The following RAB43 variants were observed in gnomAD, a reference collection of about 807,000 sequenced individuals.
RAB43 encodes ras-related protein Rab-43.
In RAB43, 6 loss-of-function variants were observed where a neutral mutation model predicts 18.8. That is an observed-to-expected ratio of 0.32 (90% CI 0.17 to 0.63). RAB43 has a LOEUF of 0.63. RAB43 is among the 30% of genes least tolerant of loss of function. The pLI is 0.79. For synonymous variants in RAB43, 103 were observed against 124.1 expected (o/e 0.83, Z 1.13); for missense variants, 195 against 289.1 (o/e 0.67, Z 2.36).
intron 1 of RAB43, among the ~76,000 whole-genome samples, chr3:129,099,417 C>T (rs1378414819): frequency 2.1e-5 from 3 of 146,034 alleles, no homozygotes; most frequent in African/African-American, 7.7e-5. Context: ...GACGGAGTTT[C>T]GCTCTGTTGT....
intron 1 of RAB43, among the ~76,000 whole-genome samples, chr3:129,098,358 A>T (rs1934192374): frequency 6.6e-6 from 1 of 152,220 alleles, no homozygotes; most frequent in African/African-American, 2.4e-5. Context: ...CTAACAAAAC[A>T]TAAAAAACAA....
At position 129,121,738 on chromosome 3, in the gene RAB43, C is replaced by A. The variant is rs1467526137; in HGVS notation, c.-249G>T. 1.9e-5 allele frequency: 5 copies of A among 268,528 alleles called. No homozygotes were observed. Among genetic ancestry groups the A allele is most frequent in the East Asian group, 6.9e-5 (1 of 14,412 alleles). 16.6% of individuals were successfully genotyped at this position (268,528 alleles called of 1,614,324 possible). A position where few individuals can be genotyped will look rare whatever the true frequency, so the allele number is the denominator to read the frequency against. ...GGTGCCCCGCGGGTTCGGCTCCCCC[C>A]CGGACCCGCCAAGCCGGGCCCTCCG... On this transcript the variant is annotated 5_prime_UTR_variant, in exon 1 of 3. Transcript: ENST00000315150.
At chr3:129,109,655 G>C (rs1935021952) in intron 1 of RAB43, among the ~76,000 whole-genome samples, 1 of 149,562 alleles carries the variant, frequency 6.7e-6, no homozygotes, top group East Asian at 2.0e-4. Flanking sequence ...GCAAGGAAAA[G>C]TGCTTGAACC....
intron 1 of RAB43, among the ~76,000 whole-genome samples, chr3:129,112,801 A>C: frequency 6.6e-6 from 1 of 151,082 alleles, no homozygotes; most frequent in African/African-American, 2.4e-5. Context: ...CCCAGGCTGG[A>C]GTGCAGTGGT....
At chr3:129,111,346 C>T (rs991575466) in intron 1 of RAB43, among the ~76,000 whole-genome samples, 32 of 152,112 alleles carry the variant, frequency 2.1e-4, no homozygotes, top group African/African-American at 7.2e-4. Flanking sequence ...GAAACCTCAT[C>T]TCTACTAAAA....
At chr3:129,099,283 G>C (rs532816863) in intron 1 of RAB43, among the ~76,000 whole-genome samples, 160 of 152,048 alleles carry the variant, frequency 1.1e-3, no homozygotes, top group African/African-American at 3.7e-3. Context: ...AATAGAGACA[G>C]GGTTTCACTG....
At chr3:129,106,823 T>G (rs2108010260) in intron 1 of RAB43, among the ~76,000 whole-genome samples, 1 of 152,302 alleles carries the variant, frequency 6.6e-6, no homozygotes, top group South Asian at 2.1e-4. Context: ...AATGGCTTTC[T>G]TTGTCCCTTG....
chr3:129,098,298 T>G (rs1177680826), intron 1 of RAB43, among the ~76,000 whole-genome samples: 1 of 152,204 alleles, frequency 6.6e-6, no homozygotes, highest in East Asian at 1.9e-4. Context: ...GGTTGAGTTC[T>G]GCCACATTAG....
At chr3:129,117,854 C>T (rs1350777019) in intron 1 of RAB43, among the ~76,000 whole-genome samples, 1 of 152,198 alleles carries the variant, frequency 6.6e-6, no homozygotes, top group Non-Finnish European at 1.5e-5. Flanking sequence ...AGCTTTCTCT[C>T]TATAAAGGAA....
chr3:129,110,122 C>A (rs1411317298), intron 1 of RAB43, among the ~76,000 whole-genome samples: 1 of 152,054 alleles, frequency 6.6e-6, no homozygotes, highest in Non-Finnish European at 1.5e-5. Context: ...GCTTCTGCCT[C>A]CCAAAGTGTT....
In RAB43 at chr3:129,107,777, C is replaced by T. The variant is rs78918616; in HGVS notation, c.205-12608G>A. ...CAAGGGATTCAGATGTCCTATGGCC[C>T]ACACTGAACAACCCCAACCCTCAAA... On this transcript the variant is annotated intron_variant, in intron 1 of 2. Transcript: ENST00000315150. This position sits in a 1 kb window ranked among gnomAD's most constrained non-coding sequence, Gnocchi z 4.2. 0.026 allele frequency among the ~76,000 whole-genome samples: 3,901 copies of T among 152,210 alleles called. 153 individuals are homozygous for T. Among genetic ancestry groups the T allele is most frequent in the African/African-American group, 0.085 (3,547 of 41,502 alleles).
At chr3:129,118,379 CAGG>C (rs1372202973) in intron 1 of RAB43, among the ~76,000 whole-genome samples, 1 of 152,130 alleles carries the variant, frequency 6.6e-6, no homozygotes. Context: ...GTTTTTTTAG[CAGG>C]AGAATTCTTT....
At chr3:129,108,107 G>A (rs1421220478) in intron 1 of RAB43, among the ~76,000 whole-genome samples, 1 of 152,208 alleles carries the variant, frequency 6.6e-6, no homozygotes, top group Non-Finnish European at 1.5e-5. Context: ...CTGCACAGAG[G>A]CAGCCATGGC....
intron 1 of RAB43, among the ~76,000 whole-genome samples, chr3:129,099,002 G>A (rs1934239268): frequency 6.6e-6 from 1 of 152,100 alleles, no homozygotes; most frequent in South Asian, 2.1e-4. Flanking sequence ...GAACCTCAGA[G>A]GCAGAGGTTG....
At chr3:129,115,986 T>A (rs967272427) in intron 1 of RAB43, among the ~76,000 whole-genome samples, 2 of 152,224 alleles carry the variant, frequency 1.3e-5, no homozygotes, top group African/African-American at 4.8e-5. Flanking sequence ...GTGCTTGTGT[T>A]CAAAGAATCC....
intron 2 of RAB43, among the ~76,000 whole-genome samples, chr3:129,093,498 T>C (rs1280792585): frequency 6.6e-6 from 1 of 152,172 alleles, no homozygotes; most frequent in Non-Finnish European, 1.5e-5. Flanking sequence ...TAGTCCCAGC[T>C]ACTCAGGAGG....
chr3:129,103,248 T>C (rs1442014953), intron 1 of RAB43, among the ~76,000 whole-genome samples: 1 of 152,146 alleles, frequency 6.6e-6, no homozygotes, highest in Non-Finnish European at 1.5e-5. Flanking sequence ...TCCTACCCAC[T>C]TATCCCCACC....
At chr3:129,103,966 A>T (rs1934594500) in intron 1 of RAB43, among the ~76,000 whole-genome samples, 1 of 152,156 alleles carries the variant, frequency 6.6e-6, no homozygotes, top group Non-Finnish European at 1.5e-5. Context: ...ACACATGCAC[A>T]CACACTTTTT....
intron 1 of RAB43, among the ~76,000 whole-genome samples, chr3:129,097,030 TTGAACCTGGGAGG>T (rs1443609192): frequency 8.5e-5 from 13 of 152,078 alleles, no homozygotes; most frequent in Non-Finnish European, 1.3e-4. Context: ...GGAGAATCGC[TTGAACCTGGGAGG>T]CAGAGGTTCC....
Sources: allele counts gnomAD v4.1 joint callset (sites outside exome capture counted in the v4.1 genomes callset), GRCh38; gene constraint gnomAD v4.1.1; non-coding constraint Gnocchi (gnomAD v3.1); transcripts MANE v1.5; gene names NCBI Gene and HGNC (gene_info 2026-07-23, HGNC 2026-07-21).